Variants in SORCS1 observed in about 807,000 individuals in gnomAD.
SORCS1 encodes VPS10 domain-containing receptor SorCS1.
SORCS1 carries 60 observed loss-of-function variants against 146.1 expected under a neutral mutation model. The ratio of observed to expected loss-of-function variants is 0.41; its 90% confidence interval spans 0.33 to 0.51. SORCS1 has a LOEUF of 0.51. SORCS1 is among the 20% of genes least tolerant of loss of function. SORCS1 has a pLI of 0.21. For missense variants in SORCS1, 1,352 were observed against 1,487.6 expected (o/e 0.91, Z 1.50); for synonymous variants, 637 against 584.0 (o/e 1.09, Z -1.31).
chr10:106,679,182 C>T, intron 12 of SORCS1, 74 bp downstream of exon 12: 5 of 1,155,612 alleles, frequency 4.3e-6, no homozygotes, highest in Non-Finnish European at 6.3e-6. Context: ...GAAAAAAGTT[C>T]CCAGATTTGA....
In SORCS1 at chr10:107,093,587, C is replaced by T. The variant is rs566029476; in HGVS notation, c.558+70382G>A. On this transcript the variant is annotated intron_variant, in intron 1 of 25. Transcript: ENST00000263054. ...ACTTGGGAGGCTGAGACAGGAGAAT[C>T]GCTTGAACCCGGGACAAGGAGGTTG... Among the ~76,000 whole-genome samples, 4 of 151,700 alleles carry T rather than the reference C, an allele frequency of 2.6e-5. No homozygotes were observed. In the South Asian group the frequency reaches 6.3e-4, roughly 24 times the overall value.
At position 106,830,022 on chromosome 10, in the gene SORCS1, C is replaced by T. The variant is rs184173391; in HGVS notation, c.627-349G>A. On this transcript the variant is annotated intron_variant, in intron 2 of 25. Coordinates refer to ENST00000263054, the MANE Select transcript of SORCS1 (RefSeq NM_052918.5). The stretch of plus-strand genomic sequence containing the variant: ...CAGATATGACATTTCCAAACTTTTA[C>T]TTTATGTTTGGCCCAGTAGAAAAGC... Among the ~76,000 whole-genome samples, 319 of 152,284 alleles carry T rather than the reference C, an allele frequency of 2.1e-3. 4 individuals are homozygous for T. The highest frequency in any genetic ancestry group is 7.5e-3 in the African/African-American group (312 of 41,546).
At chr10:106,594,726 G>C (rs1408674245) in intron 24 of SORCS1, among the ~76,000 whole-genome samples, 1 of 152,168 alleles carries the variant, frequency 6.6e-6, no homozygotes, top group Non-Finnish European at 1.5e-5. Context: ...TTCATTCAAA[G>C]GCTGCTTATG....
rs560564702 is a variant in SORCS1, at chr10:107,059,956, G to A, written c.559-103376C>T. On this transcript the variant is annotated intron_variant, in intron 1 of 25. Transcript: ENST00000263054. ...ACTAAATGAAATAAAATTGAATTACGAAGTACATTAGAATGCCAGAGATTT... is the reference window on the plus strand; with the variant it reads ...ACTAAATGAAATAAAATTGAATTACAAAGTACATTAGAATGCCAGAGATTT... Among the ~76,000 whole-genome samples, 40 of 151,864 alleles carry A rather than the reference G, an allele frequency of 2.6e-4. No homozygotes were observed. In the South Asian group the frequency reaches 8.1e-3, roughly 31 times the overall value.
rs534320848 is a variant in SORCS1, at chr10:106,660,361, A to G, written c.2303+7328T>C. ...TGTAATGATTAAATCCATCATATCC[A>G]TCACCTCAAACATTTATCCTTTCTT... On this transcript the variant is annotated intron_variant, in intron 17 of 25. Transcript: ENST00000263054. Among the ~76,000 whole-genome samples the G allele has an allele frequency of 1.7e-4, 26 of 152,354 alleles. No homozygotes were observed. The East Asian group carries it at 5.0e-3, about 29-fold the overall frequency.
chr10:107,171,694 T>G, the SORCS1 span, among the ~76,000 whole-genome samples: 1 of 152,044 alleles, frequency 6.6e-6, no homozygotes, highest in Non-Finnish European at 1.5e-5. Context: ...TTTTGTAGTT[T>G]TAGTAGAGAC....
chr10:107,008,551 T>C (rs111318058), intron 1 of SORCS1, among the ~76,000 whole-genome samples: 6 of 152,264 alleles, frequency 3.9e-5, no homozygotes, highest in African/African-American at 1.4e-4. Flanking sequence ...AATAAGTAGA[T>C]TGATGAATAG....
chr10:106,800,506 G>A (rs540892927), intron 3 of SORCS1, among the ~76,000 whole-genome samples: 83 of 145,376 alleles, frequency 5.7e-4, no homozygotes, highest in African/African-American at 2.0e-3. Context: ...ATAGGTTCTA[G>A]GTGAATCTTT....
At chr10:106,726,185 C>CTCTTTTTTTTTTTTT in intron 6 of SORCS1, among the ~76,000 whole-genome samples, 1 of 66,298 alleles carries the variant, frequency 1.5e-5, no homozygotes, top group Non-Finnish European at 2.8e-5. Context: ...CTTTCCCTCT[C>CTCTTTTTTTTTTTTT]TTTTTTTTTT....
chr10:107,171,855 T>C, the SORCS1 span, among the ~76,000 whole-genome samples: 1 of 152,216 alleles, frequency 6.6e-6, no homozygotes, highest in East Asian at 1.9e-4. Flanking sequence ...TTGGAGATAC[T>C]ATAGAGTGTG....
intron 22 of SORCS1, among the ~76,000 whole-genome samples, chr10:106,610,078 G>T (rs908330310): frequency 4.6e-5 from 7 of 152,160 alleles, no homozygotes; most frequent in African/African-American, 7.2e-5. Flanking sequence ...TCTGGTAGTC[G>T]TGCCTCCTGG....
intron 10 of SORCS1, among the ~76,000 whole-genome samples, chr10:106,680,422 A>G (rs929757902): frequency 6.6e-6 from 1 of 152,214 alleles, no homozygotes; most frequent in Non-Finnish European, 1.5e-5. Context: ...TCAGTTGTAT[A>G]GAAAAAGTAT....
At chr10:106,803,497 T>A (rs1308751795) in intron 3 of SORCS1, among the ~76,000 whole-genome samples, 1 of 152,180 alleles carries the variant, frequency 6.6e-6, no homozygotes, top group South Asian at 2.1e-4. Context: ...TACATTTGAG[T>A]GATTAGATTC....
intron 23 of SORCS1, among the ~76,000 whole-genome samples, chr10:106,603,466 A>T (rs993635242): frequency 6.6e-6 from 1 of 152,200 alleles, no homozygotes; most frequent in African/African-American, 2.4e-5. Flanking sequence ...TTCACAGACA[A>T]GATAGCTCGA....
chr10:107,019,596 A>G (rs1958044623), intron 1 of SORCS1, among the ~76,000 whole-genome samples: 1 of 152,240 alleles, frequency 6.6e-6, no homozygotes, highest in Admixed American at 6.5e-5. Flanking sequence ...TGCATAGTTC[A>G]GTCTCTGCAG....
At chr10:106,731,521 C>A (rs1856599097) in intron 5 of SORCS1, among the ~76,000 whole-genome samples, 1 of 152,058 alleles carries the variant, frequency 6.6e-6, no homozygotes, top group Non-Finnish European at 1.5e-5. Flanking sequence ...TCACCTAACC[C>A]CTGAATCATA....
At chr10:107,178,504 T>TATATA in the SORCS1 span, among the ~76,000 whole-genome samples, 2 of 145,270 alleles carry the variant, frequency 1.4e-5, no homozygotes, top group African/African-American at 2.7e-5. Context: ...ATATATATAT[T>TATATA]TTTTTTTAAG....
rs765670901 is a variant in SORCS1 at position 106,671,285 on chromosome 10, C to T, written c.2141G>A (p.Gly714Glu). ...ERKCMQGKYA[G>E]AMESEPCVCT... ...GACACAGGGTTCAGATTCCATAGCT[C>T]CTGCATATTTTCCTTGCATACACTT... The change falls in exon 16 of 26, where the codon GGA (glycine) becomes GAA (glutamate). Residue 714 changes from glycine to glutamate, a missense_variant. By Grantham distance (98) the Gly-to-Glu change is moderately conservative. Transcript: ENST00000263054. 17 of 1,614,028 alleles carry T rather than the reference C, an allele frequency of 1.1e-5. No individual in the cohort carries two copies. The highest frequency in any genetic ancestry group is 1.4e-5 in the Non-Finnish European group (16 of 1,180,020).
At chr10:106,757,249 A>T (rs1286879363) in intron 5 of SORCS1, among the ~76,000 whole-genome samples, 1 of 152,104 alleles carries the variant, frequency 6.6e-6, no homozygotes, top group Non-Finnish European at 1.5e-5. Flanking sequence ...AAAAAATATG[A>T]ATTTGCCTTC....
Sources: allele counts gnomAD v4.1 joint callset (sites outside exome capture counted in the v4.1 genomes callset), GRCh38; gene constraint gnomAD v4.1.1; transcripts MANE v1.5; gene names NCBI Gene and HGNC (gene_info 2026-07-23, HGNC 2026-07-21).